The following CNKSR2 variants were observed in gnomAD, a reference collection of about 807,000 sequenced individuals.
CNKSR2 encodes the protein connector enhancer of kinase suppressor of Ras 2.
A neutral mutation model predicts 84.4 loss-of-function variants in CNKSR2; 14 were observed. The ratio of observed to expected loss-of-function variants is 0.17; its 90% CI spans 0.11 to 0.26. The LOEUF (loss-of-function observed/expected upper bound fraction) is 0.26, where lower values mean the gene tolerates loss of function less well. Ranked by LOEUF, CNKSR2 falls within the 10% of genes least tolerant of loss-of-function variation. CNKSR2 has a pLI of 1.00. For synonymous variants in CNKSR2, 275 were observed against 277.9 expected (o/e 0.99, Z 0.10); for missense variants, 485 against 771.2 (o/e 0.63, Z 4.40).
At chrX:21,598,071 C>T (rs1206026093) in intron 17 of CNKSR2, among the ~76,000 whole-genome samples, 1 of 108,983 alleles carries the variant, frequency 9.2e-6, no homozygotes, top group Non-Finnish European at 1.9e-5. Context: ...TGTATACATA[C>T]ACATACACAT....
intron 1 of CNKSR2, among the ~76,000 whole-genome samples, chrX:21,396,470 A>C (rs755422420): frequency 1.8e-5 from 2 of 111,064 alleles, no homozygotes; most frequent in East Asian, 5.6e-4. Flanking sequence ...ACAACCTTTA[A>C]GTTCTTAGTG....
intron 18 of CNKSR2, among the ~76,000 whole-genome samples, chrX:21,602,247 G>A (rs1021082091): frequency 3.6e-5 from 4 of 110,955 alleles, no homozygotes; most frequent in African/African-American, 9.9e-5. Flanking sequence ...CAGGTTCAAC[G>A]ATCCTCCCAC....
At chrX:21,394,683 A>C (rs2090097051) in intron 1 of CNKSR2, among the ~76,000 whole-genome samples, 2 of 111,482 alleles carry the variant, frequency 1.8e-5, no homozygotes, top group Admixed American at 9.6e-5. Flanking sequence ...ACTTCTCAGC[A>C]TTATTTTATC....
chrX:21,582,890 C>T (rs774554583), intron 13 of CNKSR2, among the ~76,000 whole-genome samples: 2 of 111,425 alleles, frequency 1.8e-5, no homozygotes, highest in Non-Finnish European at 3.8e-5. Context: ...TTATGGGATC[C>T]TGCATGAGAG....
rs1290371409 is a variant in CNKSR2 at position 21,490,559 on chromosome X, T to C, written c.662T>C (p.Ile221Thr). Residue 221 changes from isoleucine (I) to threonine (T), a missense_variant, in exon 6 of 22, where the codon ATT (isoleucine) becomes ACT (threonine). By Grantham distance (89) the Ile-to-Thr change is moderately conservative. Around this residue, in one of 5 missense-constraint regions of CNKSR2, gnomAD observed 109 missense variants for 197.5 expected, o/e 0.55. Transcript: ENST00000379510. Reference protein sequence around the residue: ...AHLEVIQLANIKPSEGLGMYI... With the variant: ...AHLEVIQLANTKPSEGLGMYI... ...CTGGAAGTGATTCAACTGGCAAACA[T>C]TAAACCAAGCGAAGGGCTGGTAAGA... The C allele has an allele frequency of 8.3e-7, 1 of 1,208,767 alleles. No homozygotes were observed.
chrX:21,531,548 A>G (rs991525804), intron 10 of CNKSR2, among the ~76,000 whole-genome samples: 1 of 111,262 alleles, frequency 9.0e-6, no homozygotes, highest in Non-Finnish European at 1.9e-5. Context: ...CACTAAAAGC[A>G]ATTTATGTAT....
rs761564033 is a variant in CNKSR2 at position 21,454,385 on chromosome X, G to A, written c.519+13604G>A. 3.6e-5 allele frequency among the ~76,000 whole-genome samples: 4 copies of A among 112,266 alleles called. No homozygotes were observed. In the South Asian group the frequency reaches 1.5e-3, roughly 41 times the overall value. On this transcript the variant is annotated intron_variant, in intron 4 of 21. Coordinates refer to ENST00000379510, the MANE Select transcript of CNKSR2 (RefSeq NM_014927.5). ...AAGTTACTTGTTTGCTTACTGCACA[G>A]CAGTCTGTTCTTAACCCATCATGGT...
At chrX:21,519,471 A>G (rs1247980821) in intron 9 of CNKSR2, among the ~76,000 whole-genome samples, 1 of 111,051 alleles carries the variant, frequency 9.0e-6, no homozygotes, top group Non-Finnish European at 1.9e-5. Flanking sequence ...TGTGAAACGT[A>G]ACTGCTAAAT....
At chrX:21,467,341 T>G (rs2091141496) in intron 4 of CNKSR2, among the ~76,000 whole-genome samples, 1 of 111,535 alleles carries the variant, frequency 9.0e-6, no homozygotes, top group Non-Finnish European at 1.9e-5. Flanking sequence ...TATGCAGAAG[T>G]AAAATCTGAA....
chrX:21,374,630 A>AGCAGCAGCAGCAGCC lies in CNKSR2; in HGVS notation c.-266_-265insAGCAGCAGCAGCCGC, dbSNP rs547454548. On this transcript the variant is annotated 5_prime_UTR_variant, in exon 1 of 22. Transcript: ENST00000379510. ...CAGCAGCAGCAGCAGCAGCAGCAGC[A>AGCAGCAGCAGCAGCC]GCCGCCGCCGCCGCCGCCTTAGCGG... The AGCAGCAGCAGCAGCC allele has an allele frequency of 8.2e-4, 367 of 445,228 alleles. 12 individuals carry two copies. The highest frequency in any genetic ancestry group is 4.8e-3 in the Middle Eastern group (8 of 1,674). The allele number at this position is 445,228 out of a possible 1,213,427, so 36.7% of individuals were successfully genotyped here. A position where few individuals can be genotyped will look rare whatever the true frequency, so the allele number is the denominator to read the frequency against.
chrX:21,378,910 C>T (rs1011195884), intron 1 of CNKSR2, among the ~76,000 whole-genome samples: 4 of 111,922 alleles, frequency 3.6e-5, no homozygotes, highest in African/African-American at 1.3e-4. Context: ...TTTAAGATAG[C>T]CTTTTCTCAA....
chrX:21,594,620 A>G (rs1371977524), intron 15 of CNKSR2: 1 of 121,099 alleles, frequency 8.3e-6, no homozygotes, highest in African/African-American at 3.2e-5. Flanking sequence ...GTGAATTACA[A>G]AAGTGGACTA....
intron 1 of CNKSR2, among the ~76,000 whole-genome samples, chrX:21,378,693 A>C (rs1442770287): frequency 9.0e-6 from 1 of 110,951 alleles, no homozygotes; most frequent in Non-Finnish European, 1.9e-5. Flanking sequence ...CTCATTCAAA[A>C]TATCCACATG....
At chrX:21,430,390 TAATA>T (rs2090619589) in intron 2 of CNKSR2, among the ~76,000 whole-genome samples, 1 of 111,949 alleles carries the variant, frequency 8.9e-6, no homozygotes, top group Admixed American at 9.5e-5. Context: ...TTACCTTTCC[TAATA>T]AATCATTTGA....
chrX:21,582,871 G>A (rs1209352897), intron 13 of CNKSR2, among the ~76,000 whole-genome samples: 1 of 111,159 alleles, frequency 9.0e-6, no homozygotes, highest in African/African-American at 3.3e-5. Flanking sequence ...AGGAACAGGA[G>A]GACTCACCTT....
At chrX:21,590,108 G>T (rs2092411569) in intron 13 of CNKSR2, among the ~76,000 whole-genome samples, 1 of 111,504 alleles carries the variant, frequency 9.0e-6, no homozygotes, top group Admixed American at 9.5e-5. Flanking sequence ...TGTTCCAAGT[G>T]CTGAAATATG....
chrX:21,395,489 C>G (rs1353579401), intron 1 of CNKSR2, among the ~76,000 whole-genome samples: 1 of 110,205 alleles, frequency 9.1e-6, no homozygotes, highest in Admixed American at 9.7e-5. Context: ...ATGATCGGCT[C>G]TGAGCCATTC....
intron 1 of CNKSR2, among the ~76,000 whole-genome samples, chrX:21,391,467 G>A (rs1297107490): frequency 8.9e-6 from 1 of 112,293 alleles, no homozygotes; most frequent in Non-Finnish European, 1.9e-5. Context: ...TTTACAGCTT[G>A]TACCCTCTGG....
chrX:21,608,382 TTA>T (rs2092529953), intron 19 of CNKSR2, among the ~76,000 whole-genome samples: 1 of 111,825 alleles, frequency 8.9e-6, no homozygotes, highest in Non-Finnish European at 1.9e-5. Flanking sequence ...CTTTTTCTGG[TTA>T]TGTTTTGTGC....
Sources: allele counts gnomAD v4.1 joint callset (sites outside exome capture counted in the v4.1 genomes callset), GRCh38; gene constraint gnomAD v4.1.1; regional missense constraint gnomAD v4.1.1; transcripts MANE v1.5; gene names NCBI Gene and HGNC (gene_info 2026-07-23, HGNC 2026-07-21).